NEBL: variants seen among roughly 807,000 people sequenced by gnomAD.
NEBL encodes nebulette, also known as LIM and SH3 protein 2.
A neutral mutation model predicts 140.2 loss-of-function variants in NEBL; 122 were observed. The observed-to-expected ratio is 0.87, with a 90% CI of 0.75 to 1.01. The LOEUF is 1.01. NEBL is among the 50% of genes least tolerant of loss of function. The pLI is 0.00. For synonymous variants in NEBL, 436 were observed against 398.9 expected (o/e 1.09, Z -1.11); for missense variants, 1,365 against 1,231.3 (o/e 1.11, Z -1.62).
chr10:21,173,706 G>C lies in NEBL; in HGVS notation c.69+59C>G, dbSNP rs189864240. 4.4e-6 allele frequency: 7 copies of C among 1,608,802 alleles called. No homozygotes were observed. The highest frequency in any genetic ancestry group is 1.3e-5 in the African/African-American group (1 of 74,742). ...TCCATCCCAGGTGCCAAAACTTCTC[G>C]AAGCAGGTGCAGCCCCTCGCCCGGC... On this transcript the variant is annotated intron_variant, in intron 1 of 6. Transcript: ENST00000417816. The surrounding 1 kb of genome is among the most constrained non-coding windows in gnomAD (Gnocchi z 5.7).
At chr10:20,984,110 A>T (rs1299533078) in intron 3 of NEBL, among the ~76,000 whole-genome samples, 1 of 120,284 alleles carries the variant, frequency 8.3e-6, no homozygotes, top group South Asian at 3.2e-4. Context: ...CAAAAATCCA[A>T]CAGAAAATGT....
chr10:21,176,803 C>T (rs541541145), upstream of NEBL, among the ~76,000 whole-genome samples: 15 of 152,320 alleles, frequency 9.8e-5, no homozygotes, highest in East Asian at 2.7e-3. Context: ...CATCACTATC[C>T]TAAAAACACT....
chr10:21,037,692 A>G (rs371386703), intron 2 of NEBL, among the ~76,000 whole-genome samples: 9 of 152,164 alleles, frequency 5.9e-5, no homozygotes, highest in Admixed American at 5.9e-4. Context: ...ACTCTACATA[A>G]AATTTAAAAA....
intron 3 of NEBL, among the ~76,000 whole-genome samples, chr10:21,215,028 A>G (rs1369845867): frequency 6.6e-6 from 1 of 152,158 alleles, no homozygotes; most frequent in South Asian, 2.1e-4. Flanking sequence ...CTCCGACCCC[A>G]TGAAGAGATG....
At chr10:21,266,469 A>G (rs1421230520) in intron 1 of NEBL, among the ~76,000 whole-genome samples, 5 of 152,208 alleles carry the variant, frequency 3.3e-5, no homozygotes, top group Non-Finnish European at 4.4e-5. Context: ...TTAACGTTCT[A>G]AAACATTGCT....
chr10:20,839,623 T>C (rs922210265), intron 13 of NEBL, among the ~76,000 whole-genome samples: 7 of 152,210 alleles, frequency 4.6e-5, no homozygotes, highest in African/African-American at 1.7e-4. Context: ...ATTAAGGTCA[T>C]GTTTTAAACA....
intron 2 of NEBL, among the ~76,000 whole-genome samples, chr10:21,135,506 C>A (rs893413055): frequency 3.3e-5 from 5 of 152,278 alleles, no homozygotes; most frequent in African/African-American, 1.2e-4. Context: ...TGAGGAGTTA[C>A]TTCTCAGGCC....
intron 3 of NEBL, among the ~76,000 whole-genome samples, chr10:21,218,832 A>G (rs528310023): frequency 4.6e-5 from 7 of 152,340 alleles, no homozygotes; most frequent in South Asian, 2.1e-4. Flanking sequence ...GTGAGTAGGA[A>G]CTATATGGAG....
At position 20,852,615 on chromosome 10, in the gene NEBL, C is replaced by A. The variant is rs767785635; in HGVS notation, c.938G>T (p.Gly313Val). The A allele has an allele frequency of 6.2e-7, 1 of 1,613,652 alleles. No individual in the cohort carries two copies. Among genetic ancestry groups the A allele is most frequent in the South Asian group, 1.1e-5 (1 of 91,062 alleles). The stretch of plus-strand genomic sequence containing the variant: ...AGCATCTGCATCAAAATGATACATT[C>A]CTTTGTTTTCCTCAAAGAGCTTTTT... ...EYKKLFEENK[G>V]MYHFDADAVE... The change falls in exon 10 of 28, where the codon GGA becomes GTA. Residue 313 changes from glycine to valine, a missense_variant. Coordinates refer to ENST00000377122, the MANE Select transcript of NEBL (RefSeq NM_006393.3).
At chr10:21,265,734 A>G (rs1288790408) in intron 1 of NEBL, among the ~76,000 whole-genome samples, 11 of 152,198 alleles carry the variant, frequency 7.2e-5, no homozygotes, top group Admixed American at 7.2e-4. Flanking sequence ...CCAGACAGTA[A>G]ATATTTTTGG....
At position 20,784,541 on chromosome 10, in the gene NEBL, T is replaced by A. The variant is rs756279796; in HGVS notation, c.*1206A>T. 2 of 152,294 alleles carry A rather than the reference T, an allele frequency of 1.3e-5. No individual in the cohort carries two copies. The highest frequency in any genetic ancestry group is 2.9e-5 in the Non-Finnish European group (2 of 68,028). 9.4% of individuals were successfully genotyped at this position (152,294 alleles called of 1,614,324 possible). A position where few individuals can be genotyped will look rare whatever the true frequency, so the allele number is the denominator to read the frequency against. The stretch of plus-strand genomic sequence containing the variant: ...AGGACGTCTTTTGATTAACCCGTTT[T>A]GGTGGCTAGATTTCCATTCCAGAAT... On this transcript the variant is annotated 3_prime_UTR_variant, in exon 28 of 28. Coordinates refer to ENST00000377122, the MANE Select transcript of NEBL (RefSeq NM_006393.3).
intron 11 of NEBL, among the ~76,000 whole-genome samples, chr10:20,847,651 G>A (rs1842073740): frequency 6.6e-6 from 1 of 152,058 alleles, no homozygotes; most frequent in South Asian, 2.1e-4. Context: ...GGCAGGGGAG[G>A]AAACTAGAAG....
At chr10:21,285,035 T>A (rs989896238) in intron 1 of NEBL, among the ~76,000 whole-genome samples, 1 of 152,174 alleles carries the variant, frequency 6.6e-6, no homozygotes, top group Non-Finnish European at 1.5e-5. Context: ...CACTCTAGCC[T>A]GAGTGACAGA....
intron 4 of NEBL, among the ~76,000 whole-genome samples, chr10:20,887,572 A>G (rs546861950): frequency 9.2e-5 from 14 of 152,032 alleles, no homozygotes; most frequent in South Asian, 4.1e-4. Context: ...GTGCATGCCA[A>G]CAAACGGCTA....
At chr10:20,890,150 A>G (rs1366919869) in intron 2 of NEBL, among the ~76,000 whole-genome samples, 1 of 152,198 alleles carries the variant, frequency 6.6e-6, no homozygotes, top group African/African-American at 2.4e-5. Context: ...AGGAAAGACC[A>G]TTCTTTAGAT....
At chr10:20,940,542 A>G (rs1165492191) in intron 4 of NEBL, among the ~76,000 whole-genome samples, 2 of 143,952 alleles carry the variant, frequency 1.4e-5, no homozygotes, top group Non-Finnish European at 3.0e-5. Flanking sequence ...AAGCAAGAGC[A>G]AACACATTCA....
intron 26 of NEBL, among the ~76,000 whole-genome samples, chr10:20,792,431 T>A (rs1836089637): frequency 6.6e-6 from 1 of 152,172 alleles, no homozygotes; most frequent in Admixed American, 6.6e-5. Flanking sequence ...CAGAGAGGAA[T>A]TGCTAAAAGA....
intron 2 of NEBL, among the ~76,000 whole-genome samples, chr10:21,148,060 T>C (rs1187702726): frequency 6.6e-6 from 1 of 152,186 alleles, no homozygotes; most frequent in East Asian, 1.9e-4. Context: ...AGAAGAACTA[T>C]ACAAGGCTAG....
At chr10:21,192,464 T>C (rs963048717) in intron 3 of NEBL, among the ~76,000 whole-genome samples, 2 of 151,254 alleles carry the variant, frequency 1.3e-5, no homozygotes, top group African/African-American at 2.4e-5. Context: ...AATGCTGGGA[T>C]TACAGGTGTG....
Sources: allele counts gnomAD v4.1 joint callset (sites outside exome capture counted in the v4.1 genomes callset), GRCh38; gene constraint gnomAD v4.1.1; non-coding constraint Gnocchi (gnomAD v3.1); transcripts MANE v1.5; gene names NCBI Gene and HGNC (gene_info 2026-07-23, HGNC 2026-07-21).